Variants in FAT3 observed in about 807,000 individuals in gnomAD.
FAT3 encodes the protein protocadherin Fat 3.
A neutral mutation model predicts 310.2 loss-of-function variants in FAT3; 95 were observed. The observed-to-expected ratio is 0.31, with a 90% CI of 0.26 to 0.36. The LOEUF is 0.36. Among genes scored for constraint, FAT3 ranks in the 10% least tolerant of loss-of-function variants. FAT3 has a pLI of 1.00. For synonymous variants in FAT3, 2,314 were observed against 2,192.9 expected (o/e 1.06, Z -1.54); for missense variants, 5,408 against 5,715.6 (o/e 0.95, Z 1.74).
chr11:92,754,496 C>T (rs542946548), intron 4 of FAT3, among the ~76,000 whole-genome samples: 11 of 151,026 alleles, frequency 7.3e-5, no homozygotes, highest in Admixed American at 2.6e-4. Context: ...GGCATGGTGG[C>T]GGGTGCCTGT....
chr11:92,644,129 C>G (rs753330628), intron 3 of FAT3, among the ~76,000 whole-genome samples: 29 of 152,306 alleles, frequency 1.9e-4, no homozygotes, highest in Non-Finnish European at 3.4e-4. Flanking sequence ...GGTGGCAGCC[C>G]CAGAGCCATC....
At chr11:92,864,222 A>T (rs899498400) in intron 21 of FAT3, among the ~76,000 whole-genome samples, 1 of 152,190 alleles carries the variant, frequency 6.6e-6, no homozygotes, top group African/African-American at 2.4e-5. Context: ...GAGGAGAATG[A>T]ACCAAGTAAT....
chr11:92,351,985 G>T, intron 1 of FAT3, 111 bp from the exon 2 acceptor site: 1 of 662,998 alleles, frequency 1.5e-6, no homozygotes, highest in Non-Finnish European at 2.0e-6. Context: ...TTAGTAAAAA[G>T]ATTTTGTGAT....
At chr11:92,506,991 C>A (rs1257117737) in intron 2 of FAT3, among the ~76,000 whole-genome samples, 2 of 152,170 alleles carry the variant, frequency 1.3e-5, no homozygotes, top group Admixed American at 6.5e-5. Flanking sequence ...ATGCATTTAA[C>A]AGATATTCAA....
rs192556362 is a variant in FAT3, at chr11:92,461,734, A to G, written c.3293-62900A>G. 7.2e-5 allele frequency among the ~76,000 whole-genome samples: 11 copies of G among 152,334 alleles called. No individual in the cohort carries two copies. In the East Asian group the frequency reaches 2.1e-3, roughly 29 times the overall value. On this transcript the variant is annotated intron_variant, in intron 2 of 27. Transcript: ENST00000525166. ...AGGCACAGGGAAGAGGGCCAGAGTC[A>G]GAGGCAGGGACCAGATGACATACAG...
At chr11:92,422,465 T>C (rs1950551696) in intron 2 of FAT3, among the ~76,000 whole-genome samples, 1 of 152,160 alleles carries the variant, frequency 6.6e-6, no homozygotes, top group Non-Finnish European at 1.5e-5. Flanking sequence ...CTTGAAGCTA[T>C]AGTTCCTTTT....
intron 3 of FAT3, among the ~76,000 whole-genome samples, chr11:92,643,874 A>G (rs1258132323): frequency 2.0e-5 from 3 of 152,270 alleles, no homozygotes; most frequent in Non-Finnish European, 4.4e-5. Context: ...TTTTGTTGAC[A>G]TCTGAACTTG....
intron 4 of FAT3, among the ~76,000 whole-genome samples, chr11:92,711,212 T>C (rs1463128857): frequency 6.6e-6 from 1 of 152,200 alleles, no homozygotes; most frequent in Non-Finnish European, 1.5e-5. Context: ...ATAAAATTTG[T>C]GAAGAAATCT....
chr11:92,425,699 T>C (rs529286460), intron 2 of FAT3, among the ~76,000 whole-genome samples: 2 of 152,172 alleles, frequency 1.3e-5, no homozygotes, highest in Non-Finnish European at 2.9e-5. Context: ...TCTGTGTCCC[T>C]GCAAACGACA....
At chr11:92,766,281 C>T (rs781109976) in intron 6 of FAT3, among the ~76,000 whole-genome samples, 29 of 152,092 alleles carry the variant, frequency 1.9e-4, no homozygotes, top group Admixed American at 4.6e-4. Context: ...GAGTGTGTGT[C>T]GCCCAATCCG....
rs2136200280 is a variant in FAT3, at chr11:92,805,348, A to G, written c.9092A>G (p.Gln3031Arg). The G allele has an allele frequency of 6.2e-7, 1 of 1,612,032 alleles. No homozygotes were observed. Among genetic ancestry groups the G allele is most frequent in the Non-Finnish European group, 8.5e-7 (1 of 1,178,714 alleles). Residue 3031 changes from glutamine to arginine, a missense_variant and splice_region_variant, in exon 11 of 28, where the codon CAG (glutamine) becomes CGG (arginine). Gln to Arg is a conservative substitution (Grantham distance 43). Around this residue, in one of 5 missense-constraint regions of FAT3, gnomAD observed 4,588 missense variants for 4,809.8 expected, o/e 0.95. Coordinates refer to ENST00000525166, the MANE Select transcript of FAT3 (RefSeq NM_001367949.2). Reference protein sequence around the residue: ...DVNDNSPVCDQVAYTALLPED... With the variant: ...DVNDNSPVCDRVAYTALLPED... ...AATGACAATAGCCCAGTGTGTGATC[A>G]GGTGAGATTTGGGGATAGGGTTCTG...
chr11:92,666,369 T>TTTTTTTTA (rs1942948163), intron 3 of FAT3, among the ~76,000 whole-genome samples: 1 of 151,480 alleles, frequency 6.6e-6, no homozygotes, highest in African/African-American at 2.4e-5. Flanking sequence ...TTTTTTTTTT[T>TTTTTTTTA]GAGACGGAAT....
At chr11:92,585,471 T>G (rs1370280151) in intron 3 of FAT3, among the ~76,000 whole-genome samples, 2 of 152,044 alleles carry the variant, frequency 1.3e-5, no homozygotes. Flanking sequence ...AGACATCTCT[T>G]GTAGTACTAG....
intron 7 of FAT3, among the ~76,000 whole-genome samples, chr11:92,779,769 T>A (rs909999437): frequency 6.6e-6 from 1 of 152,036 alleles, no homozygotes; most frequent in East Asian, 1.9e-4. Flanking sequence ...TCCTGGAGTA[T>A]CCAGTTAGGC....
Position 92,648,769 on chromosome 11 carries a change from C to T in FAT3, c.3608-48615C>T, listed in dbSNP as rs543586600. Among the ~76,000 whole-genome samples, 6 of 152,276 alleles carry T rather than the reference C, an allele frequency of 3.9e-5. No homozygotes were observed. The South Asian group carries it at 1.0e-3, about 26-fold the overall frequency. On this transcript the variant is annotated intron_variant, in intron 3 of 27. Transcript: ENST00000525166. ...GTCCCAGAACCAGGATTCAACAAAC[C>T]ATTGTGACGGCCATGCTCATTGCCT...
chr11:92,647,509 C>G (rs568750676), intron 3 of FAT3, among the ~76,000 whole-genome samples: 14 of 152,282 alleles, frequency 9.2e-5, no homozygotes, highest in Admixed American at 5.2e-4. Context: ...ATACAGCATG[C>G]ACTTTTCTGC....
intron 3 of FAT3, among the ~76,000 whole-genome samples, chr11:92,682,441 A>G (rs986455671): frequency 7.9e-5 from 12 of 152,192 alleles, no homozygotes; most frequent in Admixed American, 5.2e-4. Flanking sequence ...GGAGCTAAGC[A>G]TTGTTTGAAT....
At chr11:92,774,640 C>G (rs925866505) in intron 7 of FAT3, among the ~76,000 whole-genome samples, 3 of 152,146 alleles carry the variant, frequency 2.0e-5, no homozygotes, top group Admixed American at 6.5e-5. Context: ...GGTCACACAG[C>G]CTTAGTAAAG....
In FAT3 at chr11:92,831,664, G is replaced by A; in HGVS notation, c.9524G>A (p.Gly3175Asp). The A allele has an allele frequency of 6.2e-7, 1 of 1,613,384 alleles. No individual in the cohort carries two copies. Among genetic ancestry groups the A allele is most frequent in the Non-Finnish European group, 8.5e-7 (1 of 1,179,756 alleles). ...GTGTACTCCCTGGCAGACTCAGCTG[G>A]TGGGGTCTTCTCCATTGACAGCTCA... ...KVVYSLADSA[G>D]GVFSIDSSSG... Residue 3175 changes from glycine to aspartate, a missense_variant, in exon 14 of 28, where the codon GGT (glycine) becomes GAT (aspartate). This residue lies in a region of FAT3 where 4,588 missense variants were observed against 4,809.8 expected (regional missense o/e 0.95). Transcript: ENST00000525166.
Sources: allele counts gnomAD v4.1 joint callset (sites outside exome capture counted in the v4.1 genomes callset), GRCh38; gene constraint gnomAD v4.1.1; regional missense constraint gnomAD v4.1.1; transcripts MANE v1.5; gene names NCBI Gene and HGNC (gene_info 2026-07-23, HGNC 2026-07-21).